MDFIC: variants seen among roughly 807,000 people sequenced by gnomAD.
MDFIC encodes MyoD family inhibitor domain containing, also known as myoD family inhibitor domain-containing protein.
Under a neutral mutation model 23.2 loss-of-function variants are expected in MDFIC, and 17 were observed. The observed-to-expected ratio is 0.73, with a 90% confidence interval of 0.50 to 1.10. The LOEUF is 1.10. MDFIC is among the 50% of genes least tolerant of loss of function. The pLI, the probability that MDFIC is intolerant of heterozygous loss-of-function variation, is 0.00. For missense variants in MDFIC, 356 were observed against 316.6 expected (o/e 1.12, Z -0.95); for synonymous variants, 120 against 115.2 (o/e 1.04, Z -0.27).
chr7:114,929,353 C>T (rs1347093841), intron 2 of MDFIC, among the ~76,000 whole-genome samples: 4 of 152,152 alleles, frequency 2.6e-5, no homozygotes, highest in Non-Finnish European at 4.4e-5. Context: ...TGATCCCCTG[C>T]CTTAGCCTCC....
chr7:114,958,392 T>C (rs571843113), intron 3 of MDFIC, among the ~76,000 whole-genome samples: 1 of 152,242 alleles, frequency 6.6e-6, no homozygotes, highest in Non-Finnish European at 1.5e-5. Context: ...ATTTTTTGCA[T>C]AATTTTGTGA....
At chr7:114,951,789 G>A (rs1392926000) in intron 3 of MDFIC, among the ~76,000 whole-genome samples, 3 of 152,140 alleles carry the variant, frequency 2.0e-5, no homozygotes, top group African/African-American at 7.2e-5. Context: ...TTAGAGCTTA[G>A]TCACCTGTAG....
At chr7:114,987,546 A>G (rs1793535234) in intron 4 of MDFIC, among the ~76,000 whole-genome samples, 1 of 152,094 alleles carries the variant, frequency 6.6e-6, no homozygotes, top group Non-Finnish European at 1.5e-5. Context: ...CTTCCATCCC[A>G]TGTTACAATA....
Position 115,018,658 on chromosome 7 carries a change from G to A in MDFIC, c.*2723G>A, listed in dbSNP as rs573535934. On this transcript the variant is annotated 3_prime_UTR_variant, in exon 5 of 5. Transcript: ENST00000393486. ...GCTAGAATTTATAGTTACAGGCGGT[G>A]TCCTTTTAAATGTGGAAAGGCTTTT... is the stretch of plus-strand genomic sequence containing the variant. The A allele has an allele frequency of 6.6e-6, 1 of 152,516 alleles. No individual in the cohort carries two copies. Among genetic ancestry groups the A allele is most frequent in the East Asian group, 1.9e-4 (1 of 5,186 alleles). The allele number at this position is 152,516 out of a possible 1,614,324, so 9.4% of individuals were successfully genotyped here. A position where few individuals can be genotyped will look rare whatever the true frequency, so the allele number is the denominator to read the frequency against.
intron 4 of MDFIC, among the ~76,000 whole-genome samples, chr7:115,011,891 A>G (rs1319033018): frequency 4.6e-5 from 7 of 152,214 alleles, no homozygotes; most frequent in Admixed American, 4.6e-4. Context: ...TTCTGTCATC[A>G]GCATAGCTGA....
intron 3 of MDFIC, among the ~76,000 whole-genome samples, chr7:114,972,971 A>G (rs1223843598): frequency 6.6e-6 from 1 of 151,920 alleles, no homozygotes; most frequent in African/African-American, 2.4e-5. Flanking sequence ...TACTATTAAG[A>G]GATTGTTTAT....
intron 3 of MDFIC, among the ~76,000 whole-genome samples, chr7:114,960,270 C>G (rs1370515252): frequency 6.6e-6 from 1 of 152,136 alleles, no homozygotes; most frequent in Non-Finnish European, 1.5e-5. Context: ...ATAACCAGCA[C>G]TTGGTTAAAG....
intron 4 of MDFIC, 156 bp downstream of exon 4, chr7:114,979,937 C>A: frequency 1.1e-6 from 1 of 909,318 alleles, no homozygotes; most frequent in Non-Finnish European, 1.7e-6. Flanking sequence ...CAAAGGAAAG[C>A]ACAAGATAGA....
intron 3 of MDFIC, among the ~76,000 whole-genome samples, chr7:114,974,196 A>G (rs530268289): frequency 1.3e-5 from 2 of 152,128 alleles, no homozygotes; most frequent in African/African-American, 4.8e-5. Context: ...TAGCAATAAA[A>G]ATGTAAGATA....
At position 115,014,403 on chromosome 7, in the gene MDFIC, T is replaced by G. The variant is rs1356076797; in HGVS notation, c.494-1285T>G. 3.1e-6 allele frequency: 4 copies of G among 1,289,122 alleles called. No individual in the cohort carries two copies. The African/African-American group carries it at 6.1e-5, about 20-fold the overall frequency. The allele number at this position is 1,289,122 out of a possible 1,614,324, so 79.9% of individuals were successfully genotyped here. A position where few individuals can be genotyped will look rare whatever the true frequency, so the allele number is the denominator to read the frequency against. On this transcript the variant is annotated intron_variant, in intron 4 of 4. Coordinates refer to ENST00000393486, the MANE Select transcript of MDFIC (RefSeq NM_001166345.3). Reference sequence around the variant, plus strand: ...TTCTATAGAGAAGCGCATGATTTTTTATTATAGCATGGCTGCCAAGCAACA... The same window carrying G: ...TTCTATAGAGAAGCGCATGATTTTTGATTATAGCATGGCTGCCAAGCAACA...
chr7:115,002,797 T>C (rs78725495), intron 4 of MDFIC, among the ~76,000 whole-genome samples: 3,875 of 152,288 alleles, frequency 0.025, 78 homozygotes, highest in Non-Finnish European at 0.041. Context: ...CTCACTCCAT[T>C]GAGTAGCCCT....
At chr7:114,977,032 G>A (rs1346156347) in intron 3 of MDFIC, among the ~76,000 whole-genome samples, 6 of 151,890 alleles carry the variant, frequency 4.0e-5, no homozygotes, top group Middle Eastern at 3.4e-3. Context: ...GCTTATAATC[G>A]CGAACAGAAA....
intron 4 of MDFIC, among the ~76,000 whole-genome samples, chr7:114,995,388 G>A (rs7792002): frequency 0.18 from 27,782 of 152,194 alleles, 3,138 homozygotes; most frequent in Non-Finnish European, 0.25. Context: ...CATTGCTGGC[G>A]AGGAGCTGTG....
rs1357478598 is a variant in MDFIC, at chr7:114,934,145, C to T, written c.95-8130C>T. 2.6e-5 allele frequency among the ~76,000 whole-genome samples: 4 copies of T among 152,242 alleles called. No individual in the cohort carries two copies. The East Asian group carries it at 7.7e-4, about 29-fold the overall frequency. Reference sequence around the variant, plus strand: ...GCTTTAGTATGAACATATTGTTTGGCTGAATAAACATAGCTGAAACTGTAT... The same window carrying T: ...GCTTTAGTATGAACATATTGTTTGGTTGAATAAACATAGCTGAAACTGTAT... On this transcript the variant is annotated intron_variant, in intron 2 of 4. Transcript: ENST00000393486.
At chr7:115,009,053 T>C (rs1791627935) in intron 4 of MDFIC, among the ~76,000 whole-genome samples, 1 of 152,182 alleles carries the variant, frequency 6.6e-6, no homozygotes, top group Non-Finnish European at 1.5e-5. Flanking sequence ...TACACATAAC[T>C]CTTATTGTTC....
At chr7:114,935,683 A>G (rs1204664292) in intron 2 of MDFIC, among the ~76,000 whole-genome samples, 1 of 152,096 alleles carries the variant, frequency 6.6e-6, no homozygotes, top group Non-Finnish European at 1.5e-5. Context: ...AAATCAGAAT[A>G]TATAGGTATA....
At chr7:114,965,852 C>G (rs1033066712) in intron 3 of MDFIC, among the ~76,000 whole-genome samples, 2 of 152,110 alleles carry the variant, frequency 1.3e-5, no homozygotes, top group Admixed American at 6.6e-5. Context: ...TACATTTTAT[C>G]CTTGTATTCT....
intron 3 of MDFIC, among the ~76,000 whole-genome samples, chr7:114,978,660 TTA>T (rs1793362033): frequency 1.3e-5 from 2 of 152,206 alleles, no homozygotes; most frequent in East Asian, 3.9e-4. Context: ...CTTTCAGTTT[TTA>T]TAGTCTTAAA....
At chr7:114,974,972 C>T (rs950442033) in intron 3 of MDFIC, among the ~76,000 whole-genome samples, 1 of 151,406 alleles carries the variant, frequency 6.6e-6, no homozygotes, top group African/African-American at 2.4e-5. Context: ...CAATGCTATC[C>T]AGGTTTGAAG....
Sources: gnomAD v4.1 joint callset for allele counts (sites outside exome capture counted in the v4.1 genomes callset) on GRCh38, gnomAD v4.1.1 for gene constraint, MANE v1.5 for transcripts, NCBI Gene and HGNC (gene_info 2026-07-23, HGNC 2026-07-21) for gene names.